PLPPR5: variants seen among roughly 807,000 people sequenced by gnomAD.
PLPPR5 encodes the protein phospholipid phosphatase related 5.
In PLPPR5, 16 loss-of-function variants were observed where a neutral mutation model predicts 33.9. The ratio of observed to expected loss-of-function variants is 0.47; its 90% CI spans 0.32 to 0.72. The LOEUF (loss-of-function observed/expected upper bound fraction) is 0.72. PLPPR5 is among the 30% of genes least tolerant of loss of function. The pLI is 0.03. For synonymous variants in PLPPR5, 163 were observed against 150.3 expected (o/e 1.08, Z -0.62); for missense variants, 301 against 406.7 (o/e 0.74, Z 2.23).
intron 3 of PLPPR5, among the ~76,000 whole-genome samples, chr1:98,936,520 C>T (rs1650173655): frequency 6.6e-6 from 1 of 152,210 alleles, no homozygotes; most frequent in Admixed American, 6.5e-5. Context: ...TCCTGATCCT[C>T]AGGATGTGCA....
intron 1 of PLPPR5, among the ~76,000 whole-genome samples, chr1:98,986,840 T>C (rs1261386290): frequency 2.0e-5 from 3 of 151,822 alleles, no homozygotes; most frequent in Non-Finnish European, 4.4e-5. Context: ...CTGCTCTTAA[T>C]AGAAAATAGT....
Position 98,983,599 on chromosome 1 carries a change from AC to A in PLPPR5, c.237+20835del, listed in dbSNP as rs1652139115. 2.6e-5 allele frequency among the ~76,000 whole-genome samples: 4 copies of A among 151,486 alleles called. No homozygotes were observed. The Admixed American group carries it at 2.6e-4, about 10-fold the overall frequency. ...ATGATTTATAGTCCTTTGGGTATAT[AC>A]CCAGTAATGGGATGGCTGGGTCAAA... On this transcript the variant is annotated intron_variant, in intron 1 of 5. Coordinates refer to ENST00000263177, the MANE Select transcript of PLPPR5 (RefSeq NM_001037317.2).
chr1:98,926,387 C>G (rs1649763983), intron 3 of PLPPR5, among the ~76,000 whole-genome samples: 1 of 151,130 alleles, frequency 6.6e-6, no homozygotes, highest in African/African-American at 2.4e-5. Flanking sequence ...TATCTTTAAA[C>G]CGATTTCCAG....
intron 3 of PLPPR5, among the ~76,000 whole-genome samples, chr1:98,930,231 G>A (rs1649915228): frequency 6.6e-6 from 1 of 152,112 alleles, no homozygotes; most frequent in African/African-American, 2.4e-5. Flanking sequence ...TTTACTGTCA[G>A]GGACAAGAAA....
At chr1:98,895,992 T>C (rs962759007) in intron 5 of PLPPR5, among the ~76,000 whole-genome samples, 4 of 151,978 alleles carry the variant, frequency 2.6e-5, no homozygotes, top group African/African-American at 4.8e-5. Flanking sequence ...ATATCATAAA[T>C]GAAAGAGATG....
intron 1 of PLPPR5, among the ~76,000 whole-genome samples, chr1:98,961,563 AAT>A (rs1342882582): frequency 6.6e-6 from 1 of 152,230 alleles, no homozygotes; most frequent in Non-Finnish European, 1.5e-5. Flanking sequence ...TAAACAGTCT[AAT>A]ATATATGTAA....
At chr1:98,951,484 T>C (rs1053498682) in intron 3 of PLPPR5, among the ~76,000 whole-genome samples, 3 of 152,008 alleles carry the variant, frequency 2.0e-5, no homozygotes, top group Non-Finnish European at 4.4e-5. Flanking sequence ...AAAGAGAAAA[T>C]AAATAAGATA....
chr1:98,991,024 T>A (rs1021394486), intron 1 of PLPPR5: 2 of 152,254 alleles, frequency 1.3e-5, no homozygotes, highest in African/African-American at 4.8e-5. Flanking sequence ...AGCCAAAATA[T>A]GTGTGTATGT....
At chr1:98,894,624 T>A (rs989086963) in intron 5 of PLPPR5, among the ~76,000 whole-genome samples, 1 of 151,932 alleles carries the variant, frequency 6.6e-6, no homozygotes, top group Non-Finnish European at 1.5e-5. Flanking sequence ...AAAGGGTCAA[T>A]AAGGGGCAGT....
chr1:98,991,078 T>C (rs923350707), intron 1 of PLPPR5: 23 of 152,116 alleles, frequency 1.5e-4, no homozygotes, highest in African/African-American at 5.3e-4. Flanking sequence ...ACATCATATA[T>C]ACTACATACA....
In PLPPR5 at chr1:98,903,669, T is replaced by C. The variant is rs369233297; in HGVS notation, c.934-10565A>G. 5.3e-5 allele frequency among the ~76,000 whole-genome samples: 8 copies of C among 152,270 alleles called. No homozygotes were observed. In the South Asian group the frequency reaches 1.0e-3, roughly 20 times the overall value. On this transcript the variant is annotated intron_variant, in intron 5 of 5. Coordinates refer to ENST00000263177, the MANE Select transcript of PLPPR5 (RefSeq NM_001037317.2). ...AAAAATCCCATTAAAGAAATGATTG[T>C]TGCGGGAGGGAACTAACTTGTGTGA...
chr1:98,918,453 C>A (rs753723611), intron 4 of PLPPR5, among the ~76,000 whole-genome samples: 5 of 152,180 alleles, frequency 3.3e-5, no homozygotes, highest in Non-Finnish European at 5.9e-5. Flanking sequence ...TCATAAATAT[C>A]ATAATCAATC....
At chr1:98,924,655 C>T (rs1649686342) in intron 3 of PLPPR5, among the ~76,000 whole-genome samples, 1 of 152,206 alleles carries the variant, frequency 6.6e-6, no homozygotes, top group Non-Finnish European at 1.5e-5. Flanking sequence ...CCAGCCCTTA[C>T]TTGTCCAAGT....
At chr1:98,938,368 G>A (rs1279076696) in intron 3 of PLPPR5, among the ~76,000 whole-genome samples, 15 of 148,736 alleles carry the variant, frequency 1.0e-4, no homozygotes, top group Non-Finnish European at 1.0e-4. Context: ...CAGGGCTGCA[G>A]TGAGGAATGT....
intron 1 of PLPPR5, among the ~76,000 whole-genome samples, chr1:98,979,915 C>T (rs61784651): frequency 0.14 from 20,720 of 152,006 alleles, 1,742 homozygotes; most frequent in South Asian, 0.18. Flanking sequence ...CCCTCATATC[C>T]GTAACTCTGG....
chr1:98,990,051 A>C (rs962494768), intron 1 of PLPPR5, among the ~76,000 whole-genome samples: 1 of 152,188 alleles, frequency 6.6e-6, no homozygotes, highest in Non-Finnish European at 1.5e-5. Flanking sequence ...ATTGTTAAAA[A>C]GTGTACAAAG....
At chr1:98,978,478 T>G (rs959823541) in intron 1 of PLPPR5, among the ~76,000 whole-genome samples, 1 of 151,972 alleles carries the variant, frequency 6.6e-6, no homozygotes, top group Non-Finnish European at 1.5e-5. Flanking sequence ...TCCTCAATAC[T>G]ATAAAACAGA....
intron 1 of PLPPR5, among the ~76,000 whole-genome samples, chr1:98,995,767 T>C (rs10489925): frequency 0.19 from 28,544 of 152,036 alleles, 2,758 homozygotes; most frequent in East Asian, 0.26. Context: ...ACTTAGAGAA[T>C]GGAATATGTA....
At chr1:98,969,676 G>C (rs992248506) in intron 1 of PLPPR5, among the ~76,000 whole-genome samples, 2 of 151,982 alleles carry the variant, frequency 1.3e-5, no homozygotes, top group Non-Finnish European at 2.9e-5. Flanking sequence ...AATCAGTGGG[G>C]TGGCTCTTTG....
Sources: gnomAD v4.1 joint callset for allele counts (sites outside exome capture counted in the v4.1 genomes callset) on GRCh38, gnomAD v4.1.1 for gene constraint, MANE v1.5 for transcripts, NCBI Gene and HGNC (gene_info 2026-07-23, HGNC 2026-07-21) for gene names.